The following RUNX1 variants were observed in gnomAD, a reference collection of about 807,000 sequenced individuals.
The protein encoded by RUNX1 is runt-related transcription factor 1.
In RUNX1, 19 loss-of-function variants were observed where a neutral mutation model predicts 42.8. The observed-to-expected ratio is 0.44, with a 90% confidence interval of 0.31 to 0.65. The LOEUF (loss-of-function observed/expected upper bound fraction) is 0.65, where lower values mean the gene tolerates loss of function less well. Among genes scored for constraint, RUNX1 ranks in the 30% least tolerant of loss-of-function variants. RUNX1 has a pLI of 0.07. For missense variants in RUNX1, 528 were observed against 672.0 expected, an observed-to-expected ratio of 0.79 and a Z score of 2.37; for synonymous variants, 271 against 289.4, an observed-to-expected ratio of 0.94 and a Z score of 0.64.
intron 7 of RUNX1, among the ~76,000 whole-genome samples, chr21:34,808,803 G>T (rs758330267): frequency 1.3e-5 from 2 of 152,308 alleles, no homozygotes; most frequent in Non-Finnish European, 2.9e-5. Context: ...AAAGGGCTAC[G>T]TATTTAGGCA....
At chr21:34,909,047 T>C (rs1198554384) in intron 2 of RUNX1, among the ~76,000 whole-genome samples, 4 of 152,180 alleles carry the variant, frequency 2.6e-5, no homozygotes, top group Non-Finnish European at 5.9e-5. Context: ...TTTATGCCTT[T>C]TAGTTTTGCA....
In RUNX1 at chr21:34,909,588, C is replaced by CAAAAAAAAAAAAAAAAAAAAAAAAAA. The variant is rs10584066; in HGVS notation, c.59-16626_59-16625insTTTTTTTTTTTTTTTTTTTTTTTTTT. Among the ~76,000 whole-genome samples, 15 of 75,026 alleles carry CAAAAAAAAAAAAAAAAAAAAAAAAAA rather than the reference C, an allele frequency of 2.0e-4. 1 individual carries two copies. The highest frequency in any genetic ancestry group is 8.7e-4 in the African/African-American group (14 of 16,006). The allele number at this position is 75,026 out of a possible 152,430, so 49.2% of individuals were successfully genotyped here. A position where few individuals can be genotyped will look rare whatever the true frequency, so the allele number is the denominator to read the frequency against. On this transcript the variant is annotated intron_variant, in intron 2 of 8. Transcript: ENST00000675419. ...TTATACAGACCAGGTCACTGTTCCT[C>CAAAAAAAAAAAAAAAAAAAAAAAAAA]AAAAAAAAAAAAAAAAAAAAGATGG...
At chr21:34,935,420 G>T (rs2058477544) in intron 2 of RUNX1, among the ~76,000 whole-genome samples, 1 of 152,130 alleles carries the variant, frequency 6.6e-6, no homozygotes, top group African/African-American at 2.4e-5. Flanking sequence ...AACACATACG[G>T]TATATGGAAG....
At chr21:34,857,579 G>C (rs2146223053) in intron 6 of RUNX1, among the ~76,000 whole-genome samples, 1 of 152,350 alleles carries the variant, frequency 6.6e-6, no homozygotes, top group South Asian at 2.1e-4. Flanking sequence ...AGAGACGGCT[G>C]TTGCTTCTAG....
At position 34,901,751 on chromosome 21, in the gene RUNX1, C is replaced by T. The variant is rs117198115; in HGVS notation, c.59-8788G>A. Among the ~76,000 whole-genome samples the T allele has an allele frequency of 1.1e-3, 173 of 152,256 alleles. No individual in the cohort carries two copies. Among genetic ancestry groups the T allele is most frequent in the South Asian group, 8.5e-3 (41 of 4,828 alleles). On this transcript the variant is annotated intron_variant, in intron 2 of 8. Coordinates refer to ENST00000675419, the MANE Select transcript of RUNX1 (RefSeq NM_001754.5). This position sits in a 1 kb window ranked among gnomAD's most constrained non-coding sequence, Gnocchi z 4.3. ...CTCCACATGAAACCAGTCTTCTCTTCGAGTGATATCCTTCAGCTAAGCATT... is the reference window on the plus strand; with the variant it reads ...CTCCACATGAAACCAGTCTTCTCTTTGAGTGATATCCTTCAGCTAAGCATT...
chr21:34,966,533 C>G (rs2058719556), intron 2 of RUNX1, among the ~76,000 whole-genome samples: 1 of 152,100 alleles, frequency 6.6e-6, no homozygotes, highest in Non-Finnish European at 1.5e-5. Flanking sequence ...GAGGTAGCCC[C>G]CAACCCACAC....
chr21:34,986,115 C>T (rs979204865), intron 2 of RUNX1, among the ~76,000 whole-genome samples: 25 of 151,940 alleles, frequency 1.6e-4, no homozygotes, highest in East Asian at 5.8e-4. Flanking sequence ...CAAGGGATCC[C>T]GCCTCAGCCT....
chr21:34,871,779 A>G (rs1444276824), intron 5 of RUNX1, among the ~76,000 whole-genome samples: 1 of 151,842 alleles, frequency 6.6e-6, no homozygotes, highest in African/African-American at 2.4e-5. Flanking sequence ...TAGGGTATGC[A>G]GACTGAGCCA....
At chr21:34,924,700 C>T (rs2058380113) in intron 2 of RUNX1, among the ~76,000 whole-genome samples, 1 of 152,126 alleles carries the variant, frequency 6.6e-6, no homozygotes, top group Admixed American at 6.5e-5. Flanking sequence ...TTATCTCTTT[C>T]CTGAAATTTC....
intron 2 of RUNX1, among the ~76,000 whole-genome samples, chr21:35,019,147 C>A (rs1186590744): frequency 6.6e-6 from 1 of 152,212 alleles, no homozygotes; most frequent in Admixed American, 6.5e-5. Flanking sequence ...TACCTTCTAA[C>A]ACTGCATCCC....
intron 7 of RUNX1, among the ~76,000 whole-genome samples, chr21:34,828,273 G>A (rs2057016842): frequency 6.6e-6 from 1 of 152,164 alleles, no homozygotes; most frequent in Non-Finnish European, 1.5e-5. Context: ...AACTTATATG[G>A]GACCAGTTAC....
intron 2 of RUNX1, among the ~76,000 whole-genome samples, chr21:34,976,360 A>C (rs768864926): frequency 1.3e-5 from 2 of 152,224 alleles, no homozygotes; most frequent in South Asian, 2.1e-4. Flanking sequence ...CAGGAGAAAA[A>C]TAAAATTAAA....
intron 6 of RUNX1, among the ~76,000 whole-genome samples, chr21:34,836,830 C>T (rs1388318519): frequency 6.6e-6 from 1 of 152,146 alleles, no homozygotes; most frequent in East Asian, 1.9e-4. Context: ...CAGCACTTGA[C>T]GTGGTAGAGT....
intron 3 of RUNX1, 163 bp from the exon 4 acceptor site, chr21:34,887,259 G>GGGGGGGGGGGT: frequency 7.6e-7 from 1 of 1,316,208 alleles, no homozygotes; most frequent in Admixed American, 2.9e-5. Context: ...GGGCGGGGGT[G>GGGGGGGGGGGT]GTTAGGGGAG....
Position 34,792,610 on chromosome 21 carries a change from G to C in RUNX1, c.968C>G (p.Thr323Arg), listed in dbSNP as rs1039736738. 6.3e-7 allele frequency: 1 copy of C among 1,583,044 alleles called. No homozygotes were observed. Among genetic ancestry groups the C allele is most frequent in the Non-Finnish European group, 8.6e-7 (1 of 1,165,022 alleles). ...GCTGAACGCTGTCAGGTCGGGTGCC[G>C]CTGCAGGGCGGGCAAGAGAACGGAG... The part of the protein sequence containing the change: ...LSAELSSRLS[T>R]APDLTAFSDP... The change falls in exon 9 of 9, where the codon ACG becomes AGG. Residue 323 changes from threonine (T) to arginine (R), a missense_variant and splice_region_variant. By Grantham distance (71) the Thr-to-Arg change is moderately conservative (BLOSUM62 -1). Coordinates refer to ENST00000675419, the MANE Select transcript of RUNX1 (RefSeq NM_001754.5). The surrounding 1 kb of genome is among the most constrained non-coding windows in gnomAD (Gnocchi z 6.9).
intron 2 of RUNX1, among the ~76,000 whole-genome samples, chr21:34,951,690 C>A: frequency 6.6e-6 from 1 of 152,116 alleles, no homozygotes; most frequent in Non-Finnish European, 1.5e-5. Flanking sequence ...CCATCTCACA[C>A]CAGTTAGAAT....
chr21:35,001,308 T>TATA (rs2059041053), intron 2 of RUNX1, among the ~76,000 whole-genome samples: 29 of 142,460 alleles, frequency 2.0e-4, no homozygotes, highest in African/African-American at 6.9e-4. Flanking sequence ...AGTTATGGTT[T>TATA]TATATATATA....
chr21:34,964,693 G>T (rs1376505935), intron 2 of RUNX1, among the ~76,000 whole-genome samples: 1 of 152,148 alleles, frequency 6.6e-6, no homozygotes, highest in Non-Finnish European at 1.5e-5. Context: ...AAAGAGTAAG[G>T]AAAAGTAGTA....
rs564944363 is a variant in RUNX1, at chr21:34,867,980, TCAAA to T, written c.509-8406_509-8403del. ...CCGATAGTGCCCCTAGCCGGGTGCC[TCAAA>T]CACACAGCCCAAGGCCACACAGAGC... is the stretch of plus-strand genomic sequence containing the variant. On this transcript the variant is annotated intron_variant, in intron 5 of 8. Coordinates refer to ENST00000675419, the MANE Select transcript of RUNX1 (RefSeq NM_001754.5). Among the ~76,000 whole-genome samples the T allele has an allele frequency of 4.3e-3, 656 of 152,118 alleles. 4 individuals are homozygous for T. The highest frequency in any genetic ancestry group is 0.015 in the African/African-American group (605 of 41,490).
Sources: gnomAD v4.1 joint callset for allele counts (sites outside exome capture counted in the v4.1 genomes callset) on GRCh38, gnomAD v4.1.1 for gene constraint, Gnocchi (gnomAD v3.1) non-coding constraint, MANE v1.5 for transcripts, NCBI Gene and HGNC (gene_info 2026-07-23, HGNC 2026-07-21) for gene names.